The following DDX25 variants were observed in gnomAD, a reference collection of about 807,000 sequenced individuals.
DDX25 encodes the protein DEAD-box helicase 25, also known as ATP-dependent RNA helicase DDX25.
DDX25 carries 70 observed loss-of-function variants against 64.6 expected under a neutral mutation model. The observed-to-expected ratio is 1.08, with a 90% confidence interval of 0.89 to 1.32. The LOEUF (loss-of-function observed/expected upper bound fraction) is 1.32, where lower values mean the gene tolerates loss of function less well. Ranked by LOEUF, DDX25 falls within the 40% of genes most tolerant of loss-of-function variation. DDX25 has a pLI of 0.00. For missense variants in DDX25, 587 were observed against 604.4 expected (o/e 0.97, Z 0.30); for synonymous variants, 211 against 213.3 (o/e 0.99, Z 0.09).
intron 8 of DDX25, among the ~76,000 whole-genome samples, chr11:125,915,791 C>A (rs1445145156): frequency 6.6e-6 from 1 of 152,164 alleles, no homozygotes; most frequent in Non-Finnish European, 1.5e-5. Flanking sequence ...CCCGGTGGTT[C>A]TGAGGGAACA....
rs1944849206 is a variant in DDX25, at chr11:125,904,559, G to A, written c.42G>A (p.Glu14=). The A allele has an allele frequency of 1.3e-6, 2 of 1,497,638 alleles. No individual in the cohort carries two copies. Among genetic ancestry groups the A allele is most frequent in the African/African-American group, 1.4e-5 (1 of 71,104 alleles). The allele number at this position is 1,497,638 out of a possible 1,614,324, so 92.8% of individuals were successfully genotyped here. A position where few individuals can be genotyped will look rare whatever the true frequency, so the allele number is the denominator to read the frequency against. The change falls in exon 1 of 12, where the codon GAG becomes GAA. Residue 14 remains glutamate, a synonymous_variant. Transcript: ENST00000263576. ...LLWGGDAGAA[E]SERLNSHFSN... is the part of the protein sequence containing the mutation. ...GGGGAGGCGACGCAGGGGCGGCGGA[G>A]AGCGAGCGGCTGAACAGCCACGTAA...
rs376296221 is a variant in DDX25 at position 125,927,901 on chromosome 11, T to C, written c.*5020T>C. On this transcript the variant is annotated 3_prime_UTR_variant, in exon 12 of 12. Coordinates refer to ENST00000263576, the MANE Select transcript of DDX25 (RefSeq NM_013264.5). The stretch of plus-strand genomic sequence containing the variant: ...AGACTCTGTCCATTCTAAGATACCA[T>C]GTTTCCATGACCCTACACACAATAG... 2.0e-5 allele frequency: 3 copies of C among 152,310 alleles called. No individual in the cohort carries two copies. The highest frequency in any genetic ancestry group is 4.4e-5 in the Non-Finnish European group (3 of 68,024). The allele number at this position is 152,310 out of a possible 1,614,324, so 9.4% of individuals were successfully genotyped here.
At chr11:125,914,007 AT>A (rs200860494) in intron 8 of DDX25, among the ~76,000 whole-genome samples, 11 of 151,700 alleles carry the variant, frequency 7.3e-5, no homozygotes, top group Non-Finnish European at 1.6e-4. Context: ...GTGGTCTCTG[AT>A]TTTTTTTTAT....
Position 125,920,033 on chromosome 11 carries a change from A to G in DDX25, c.1202-1158A>G, listed in dbSNP as rs530528600. Among the ~76,000 whole-genome samples, 24 of 152,362 alleles carry G rather than the reference A, an allele frequency of 1.6e-4. No individual in the cohort carries two copies. In the South Asian group the frequency reaches 5.0e-3, roughly 32 times the overall value. On this transcript the variant is annotated intron_variant, in intron 10 of 11. Transcript: ENST00000263576. ...CACAGAGAGCTCCAGGTCAAGGCAC[A>G]GTACAAGGAGTGCAAGGATCCTGAC... is the stretch of plus-strand genomic sequence containing the variant.
intron 8 of DDX25, among the ~76,000 whole-genome samples, chr11:125,912,149 C>A (rs1944975846): frequency 6.6e-6 from 1 of 152,200 alleles, no homozygotes; most frequent in Non-Finnish European, 1.5e-5. Flanking sequence ...GAGAATACTT[C>A]TCTTTTCTGA....
At chr11:125,920,923 C>CACACACACAT (rs2134285241) in intron 10 of DDX25, 2 of 97,802 alleles carry the variant, frequency 2.0e-5, no homozygotes, top group South Asian at 3.2e-4. Flanking sequence ...CACACATACA[C>CACACACACAT]ACACACACAC....
chr11:125,925,593 G>A lies in DDX25; in HGVS notation c.*2712G>A, dbSNP rs1305758063. On this transcript the variant is annotated 3_prime_UTR_variant, in exon 12 of 12. Coordinates refer to ENST00000263576, the MANE Select transcript of DDX25 (RefSeq NM_013264.5). ...CACCAGGTGATTTCAGTGCAACTGT[G>A]AGCTGGGTTCATCAGCTGTATGTTT... The A allele has an allele frequency of 1.5e-5, 6 of 396,576 alleles. No homozygotes were observed. The highest frequency in any genetic ancestry group is 9.0e-5 in the South Asian group (5 of 55,778). The allele number at this position is 396,576 out of a possible 1,614,324, so 24.6% of individuals were successfully genotyped here.
In DDX25 at chr11:125,924,150, C is replaced by T. The variant is rs571709722; in HGVS notation, c.*1269C>T. 3 of 152,138 alleles carry T rather than the reference C, an allele frequency of 2.0e-5. No homozygotes were observed. The South Asian group carries it at 6.2e-4, about 32-fold the overall frequency. 9.4% of individuals were successfully genotyped at this position (152,138 alleles called of 1,614,324 possible). ...CGTGGTGGTACGCGTGCCTGTAATC[C>T]CAGCTACTCAGGAGGCTGAGGCAGG... On this transcript the variant is annotated 3_prime_UTR_variant, in exon 12 of 12. Transcript: ENST00000263576.
At chr11:125,916,224 G>A (rs1945034025) in intron 8 of DDX25, among the ~76,000 whole-genome samples, 1 of 152,144 alleles carries the variant, frequency 6.6e-6, no homozygotes. Flanking sequence ...GTTTTAAAAA[G>A]TTAACTTTTT....
Position 125,911,458 on chromosome 11 carries a change from G to A in DDX25, c.770G>A (p.Gly257Glu). 2 of 1,613,858 alleles carry A rather than the reference G, an allele frequency of 1.2e-6. No homozygotes were observed. The highest frequency in any genetic ancestry group is 1.7e-6 in the Non-Finnish European group (2 of 1,179,840). Reference protein sequence around the residue: ...DEADVMIDTQGFSDHSIRIQR... With the variant: ...DEADVMIDTQEFSDHSIRIQR... The stretch of plus-strand genomic sequence containing the variant: ...GCAGATGTGATGATTGACACTCAAG[G>A]ATTCTCAGATCATAGTATTCGTATT... Residue 257 changes from glycine to glutamate, a missense_variant, in exon 8 of 12, where the codon GGA becomes GAA. Transcript: ENST00000263576.
intron 8 of DDX25, among the ~76,000 whole-genome samples, chr11:125,913,859 CCA>C (rs201650612): frequency 1.3e-5 from 1 of 76,006 alleles, no homozygotes; most frequent in Non-Finnish European, 2.8e-5. Flanking sequence ...TCATAACAAT[CCA>C]AAAAAAAAAA....
upstream of DDX25, chr11:125,904,503 G>A (rs534885115): frequency 2.1e-5 from 31 of 1,481,274 alleles, no homozygotes; most frequent in African/African-American, 4.0e-4. Context: ...GGGGGCGGGA[G>A]CAGCAATCGC....
intron 4 of DDX25, 141 bp downstream of exon 4, chr11:125,906,350 C>G: frequency 1.5e-5 from 16 of 1,103,174 alleles, no homozygotes; most frequent in Non-Finnish European, 2.0e-5. Flanking sequence ...GACAGAGTCT[C>G]ACTCTGTCCC....
chr11:125,921,917 A>G lies in DDX25; in HGVS notation c.1390+538A>G, dbSNP rs572488265. The G allele has an allele frequency of 4.6e-5, 7 of 153,086 alleles. No homozygotes were observed. Among genetic ancestry groups the G allele is most frequent in the African/African-American group, 1.4e-4 (6 of 41,594 alleles). 9.5% of individuals were successfully genotyped at this position (153,086 alleles called of 1,614,324 possible). The stretch of plus-strand genomic sequence containing the variant: ...AAATAAAATTTGAGCTCAGATTTAC[A>G]TGTTATAACTCATTCTGGAGTCAGA... On this transcript the variant is annotated intron_variant, in intron 11 of 11. Coordinates refer to ENST00000263576, the MANE Select transcript of DDX25 (RefSeq NM_013264.5). This position sits in a 1 kb window ranked among gnomAD's most constrained non-coding sequence, Gnocchi z 4.1.
intron 8 of DDX25, 49 bp downstream of exon 8, chr11:125,911,537 G>C: frequency 1.3e-6 from 2 of 1,558,810 alleles, no homozygotes; most frequent in Non-Finnish European, 1.7e-6. Context: ...TCCAGATGGG[G>C]AATTTCATTT....
Position 125,905,597 on chromosome 11 carries a change from G to A in DDX25, c.175G>A (p.Val59Met), listed in dbSNP as rs1944872731. 2 of 1,551,300 alleles carry A rather than the reference G, an allele frequency of 1.3e-6. No homozygotes were observed. Among genetic ancestry groups the A allele is most frequent in the African/African-American group, 2.7e-5 (2 of 73,028 alleles). ...NINEDDEEDV[V>M]DLAANSLLNK... is the part of the protein sequence containing the mutation. ...CAATGAAGATGATGAAGAAGATGTA[G>A]GTAGGAGATGAATTCATTTGCATGT... Residue 59 changes from valine (V) to methionine (M), a missense_variant and splice_region_variant, in exon 3 of 12, where the codon GTG becomes ATG. Physicochemically the swap from Val to Met is conservative, Grantham distance 21. Transcript: ENST00000263576.
In DDX25 at chr11:125,921,557, C is replaced by G. The variant is rs370778643; in HGVS notation, c.1390+178C>G. 74 of 650,326 alleles carry G rather than the reference C, an allele frequency of 1.1e-4. No individual in the cohort carries two copies. In the Middle Eastern group the frequency reaches 1.3e-3, roughly 11 times the overall value. 40.3% of individuals were successfully genotyped at this position (650,326 alleles called of 1,614,324 possible). A position where few individuals can be genotyped will look rare whatever the true frequency, so the allele number is the denominator to read the frequency against. On this transcript the variant is annotated intron_variant, in intron 11 of 11. Transcript: ENST00000263576. The surrounding 1 kb of genome is among the most constrained non-coding windows in gnomAD (Gnocchi z 4.1). ...ATATGAGACAGATGATTAAATAATG[C>G]TTATATGGTAATTAAAAATTATTTT... is the stretch of plus-strand genomic sequence containing the variant.
Position 125,925,756 on chromosome 11 carries a change from C to G in DDX25, c.*2875C>G. The G allele has an allele frequency of 4.4e-6, 1 of 229,490 alleles. No homozygotes were observed. The highest frequency in any genetic ancestry group is 9.0e-6 in the Non-Finnish European group (1 of 110,582). The allele number at this position is 229,490 out of a possible 1,614,324, so 14.2% of individuals were successfully genotyped here. A position where few individuals can be genotyped will look rare whatever the true frequency, so the allele number is the denominator to read the frequency against. On this transcript the variant is annotated 3_prime_UTR_variant, in exon 12 of 12. Transcript: ENST00000263576. ...AGTGAACACCTCGCATGGAACACGG[C>G]TGCTATGATGTTAGGTGCTGGATCT...
chr11:125,926,038 G>A lies in DDX25; in HGVS notation c.*3157G>A, dbSNP rs1169271577. The A allele has an allele frequency of 6.5e-6, 1 of 152,824 alleles. No homozygotes were observed. Among genetic ancestry groups the A allele is most frequent in the Admixed American group, 6.5e-5 (1 of 15,346 alleles). The allele number at this position is 152,824 out of a possible 1,614,324, so 9.5% of individuals were successfully genotyped here. On this transcript the variant is annotated 3_prime_UTR_variant, in exon 12 of 12. Transcript: ENST00000263576. The stretch of plus-strand genomic sequence containing the variant: ...CAGCAGAGAGAGAGAGGCTGGTTTT[G>A]TCAAGCCTTGGCTTGGTTCCTGGTC...
Sources: allele counts gnomAD v4.1 joint callset (sites outside exome capture counted in the v4.1 genomes callset), GRCh38; gene constraint gnomAD v4.1.1; non-coding constraint Gnocchi (gnomAD v3.1); transcripts MANE v1.5; gene names NCBI Gene and HGNC (gene_info 2026-07-23, HGNC 2026-07-21).